The following NBAS variants were observed in gnomAD, a reference collection of about 807,000 sequenced individuals.
NBAS encodes the protein NAG/BC035112 fusion.
A neutral mutation model predicts 302.5 loss-of-function variants in NBAS; 219 were observed. That is an observed-to-expected ratio of 0.72 (90% CI 0.65 to 0.81). NBAS has a LOEUF of 0.81. Among genes scored for constraint, NBAS ranks in the 30% least tolerant of loss-of-function variants. NBAS has a pLI of 0.00. For missense variants in NBAS, 2,932 were observed against 2,841.6 expected (o/e 1.03, Z -0.72); for synonymous variants, 1,118 against 1,021.6 (o/e 1.09, Z -1.80).
intron 47 of NBAS, among the ~76,000 whole-genome samples, chr2:15,221,052 T>TG (rs1190126729): frequency 6.6e-6 from 1 of 152,210 alleles, no homozygotes; most frequent in Non-Finnish European, 1.5e-5. Flanking sequence ...GCAACTCAGT[T>TG]GTTAATTTTA....
chr2:14,982,327 C>G, the NBAS span, among the ~76,000 whole-genome samples: 2 of 152,204 alleles, frequency 1.3e-5, no homozygotes, highest in African/African-American at 4.8e-5. Flanking sequence ...AAGAACAACA[C>G]AGTTAACCCA....
At chr2:15,095,944 G>A in the NBAS span, among the ~76,000 whole-genome samples, 1 of 152,192 alleles carries the variant, frequency 6.6e-6, no homozygotes, top group Non-Finnish European at 1.5e-5. Context: ...CTGGAGGAAG[G>A]GTAGTGAGTG....
the NBAS span, among the ~76,000 whole-genome samples, chr2:15,123,380 C>T: frequency 5.3e-5 from 8 of 152,260 alleles, no homozygotes; most frequent in Non-Finnish European, 7.4e-5. Flanking sequence ...GAAGCAGACC[C>T]GGAGACCAGG....
At chr2:14,912,206 T>C in the NBAS span, among the ~76,000 whole-genome samples, 1 of 152,218 alleles carries the variant, frequency 6.6e-6, no homozygotes, top group Non-Finnish European at 1.5e-5. Context: ...CCGTTGTATA[T>C]GCAGTCTGTC....
the NBAS span, among the ~76,000 whole-genome samples, chr2:14,924,108 A>T: frequency 1.3e-5 from 2 of 152,202 alleles, no homozygotes; most frequent in East Asian, 3.9e-4. Flanking sequence ...AAGATTCTAC[A>T]CATAAACATG....
At chr2:15,491,606 G>A (rs1572923518) in intron 11 of NBAS, among the ~76,000 whole-genome samples, 1 of 152,190 alleles carries the variant, frequency 6.6e-6, no homozygotes, top group East Asian at 1.9e-4. Context: ...CGTGGTGGTG[G>A]GCGCCTGTAG....
At chr2:15,101,061 G>A in the NBAS span, among the ~76,000 whole-genome samples, 1 of 152,338 alleles carries the variant, frequency 6.6e-6, no homozygotes, top group Admixed American at 6.5e-5. Flanking sequence ...ATTGAAAAAT[G>A]AGAATCATAA....
At chr2:15,072,494 TA>T in the NBAS span, among the ~76,000 whole-genome samples, 32 of 152,022 alleles carry the variant, frequency 2.1e-4, no homozygotes, top group African/African-American at 6.3e-4. Context: ...TGAAGATTTT[TA>T]AAAAAATTTT....
At chr2:15,113,181 C>T in the NBAS span, among the ~76,000 whole-genome samples, 4 of 151,956 alleles carry the variant, frequency 2.6e-5, no homozygotes, top group Non-Finnish European at 4.4e-5. Flanking sequence ...TTCTATTCAT[C>T]CCTGGGTGGG....
intron 19 of NBAS, among the ~76,000 whole-genome samples, chr2:15,466,708 C>T (rs778484992): frequency 7.9e-5 from 12 of 152,062 alleles, no homozygotes; most frequent in Non-Finnish European, 1.6e-4. Context: ...GAGGCTGAGG[C>T]GGGTGGATTG....
chr2:15,413,769 G>T (rs1676793700), intron 25 of NBAS, among the ~76,000 whole-genome samples: 1 of 152,156 alleles, frequency 6.6e-6, no homozygotes, highest in Non-Finnish European at 1.5e-5. Flanking sequence ...ATCATGACAT[G>T]ATCACATATA....
the NBAS span, among the ~76,000 whole-genome samples, chr2:15,035,029 C>CT: frequency 1.3e-5 from 2 of 151,860 alleles, no homozygotes; most frequent in African/African-American, 4.8e-5. Context: ...CATTCATTCT[C>CT]TTTTTTAAAA....
the NBAS span, among the ~76,000 whole-genome samples, chr2:14,925,533 G>A: frequency 6.6e-6 from 1 of 152,122 alleles, no homozygotes; most frequent in African/African-American, 2.4e-5. Context: ...TTTAGAGATG[G>A]TCCAAAGCAC....
the NBAS span, among the ~76,000 whole-genome samples, chr2:15,104,962 T>C: frequency 6.6e-6 from 1 of 152,088 alleles, no homozygotes; most frequent in Admixed American, 6.6e-5. Context: ...CACACATATA[T>C]TTATTGCAGC....
At chr2:15,402,405 C>T in intron 25 of NBAS, 104 bp from the exon 26 acceptor site, 1 of 1,097,154 alleles carries the variant, frequency 9.1e-7, no homozygotes, top group South Asian at 1.3e-5. Flanking sequence ...CACAATTAAT[C>T]AACTATAGAA....
At chr2:15,443,323 C>T (rs1426679730) in intron 21 of NBAS, among the ~76,000 whole-genome samples, 1 of 150,912 alleles carries the variant, frequency 6.6e-6, no homozygotes, top group Non-Finnish European at 1.5e-5. Context: ...TGGGCTTCAT[C>T]CCTGGGATGC....
At chr2:15,384,646 G>A (rs1318895920) in intron 28 of NBAS, among the ~76,000 whole-genome samples, 1 of 151,186 alleles carries the variant, frequency 6.6e-6, no homozygotes, top group Non-Finnish European at 1.5e-5. Context: ...GTTTCTAGTA[G>A]GAGAGACAAT....
intron 12 of NBAS, 30 bp downstream of exon 12, chr2:15,488,864 G>A: frequency 6.2e-7 from 1 of 1,612,550 alleles, no homozygotes; most frequent in Non-Finnish European, 8.5e-7. Context: ...ACCCTTAAGA[G>A]AGTATCATTC....
intron 32 of NBAS, among the ~76,000 whole-genome samples, chr2:15,365,318 G>A (rs1212711194): frequency 6.6e-6 from 1 of 152,204 alleles, no homozygotes; most frequent in African/African-American, 2.4e-5. Flanking sequence ...TGGCACCTCT[G>A]AGCTGCTTTG....
Sources: allele counts gnomAD v4.1 joint callset (sites outside exome capture counted in the v4.1 genomes callset), GRCh38; gene constraint gnomAD v4.1.1; transcripts MANE v1.5; gene names NCBI Gene and HGNC (gene_info 2026-07-23, HGNC 2026-07-21).